The following PPARGC1A variants were observed in gnomAD, a reference collection of about 807,000 sequenced individuals.
The protein encoded by PPARGC1A is peroxisome proliferator-activated receptor gamma coactivator 1-alpha.
Under a neutral mutation model 88.7 loss-of-function variants are expected in PPARGC1A, and 25 were observed. The ratio of observed to expected loss-of-function variants is 0.28; its 90% CI spans 0.21 to 0.39. The LOEUF (loss-of-function observed/expected upper bound fraction) is 0.39. PPARGC1A is among the 10% of genes least tolerant of loss of function. PPARGC1A has a pLI of 1.00. For missense variants in PPARGC1A, 880 were observed against 968.7 expected (o/e 0.91, Z 1.22); for synonymous variants, 363 against 355.6 (o/e 1.02, Z -0.24).
the PPARGC1A span, among the ~76,000 whole-genome samples, chr4:24,150,751 G>A: frequency 1.3e-5 from 2 of 152,106 alleles, no homozygotes; most frequent in African/African-American, 4.8e-5. Context: ...AAGGTGCACT[G>A]ACATACCCAA....
chr4:23,961,360 A>G, the PPARGC1A span, among the ~76,000 whole-genome samples: 1 of 152,170 alleles, frequency 6.6e-6, no homozygotes, highest in Non-Finnish European at 1.5e-5. Context: ...AACAAATGAT[A>G]TGATTTATCC....
At chr4:24,348,075 C>T in the PPARGC1A span, among the ~76,000 whole-genome samples, 19 of 152,214 alleles carry the variant, frequency 1.2e-4, no homozygotes, top group South Asian at 6.2e-4. Context: ...TGCTTAGTTT[C>T]GCTGGATACA....
chr4:24,305,133 G>GTATGTATATATA, the PPARGC1A span, among the ~76,000 whole-genome samples: 1 of 142,896 alleles, frequency 7.0e-6, no homozygotes, highest in Admixed American at 7.0e-5. Flanking sequence ...ATATGTGTAT[G>GTATGTATATATA]TATATATATA....
intron 1 of PPARGC1A, among the ~76,000 whole-genome samples, chr4:23,895,806 C>A (rs1026500578): frequency 6.6e-6 from 1 of 151,826 alleles, no homozygotes; most frequent in African/African-American, 2.4e-5. Context: ...CATCCTAAGG[C>A]AATAATAAGG....
At chr4:24,225,662 A>C in the PPARGC1A span, among the ~76,000 whole-genome samples, 5 of 152,084 alleles carry the variant, frequency 3.3e-5, no homozygotes, top group Admixed American at 2.6e-4. Context: ...TGCTAGAAAG[A>C]GTGGGGTCCA....
intron 7 of PPARGC1A, among the ~76,000 whole-genome samples, chr4:23,824,031 T>G (rs756294258): frequency 6.6e-6 from 1 of 152,112 alleles, no homozygotes; most frequent in Non-Finnish European, 1.5e-5. Flanking sequence ...AGGGCACCAT[T>G]TGCAACCAAC....
chr4:24,125,515 A>G, the PPARGC1A span, among the ~76,000 whole-genome samples: 6,874 of 152,218 alleles, frequency 0.045, 213 homozygotes, highest in East Asian at 0.17. Flanking sequence ...TCTGCAAGTA[A>G]ACCACCAGTC....
rs186470792 is a variant in PPARGC1A at position 23,818,033 on chromosome 4, G to A, written c.878-3428C>T. On this transcript the variant is annotated intron_variant, in intron 7 of 12. Coordinates refer to ENST00000264867, the MANE Select transcript of PPARGC1A (RefSeq NM_013261.5). ...CTTTCCCCCCTGAAGTAAGAGGGAG[G>A]TCAGTGCTCAATCCCTTGATGCCAC... is the stretch of plus-strand genomic sequence containing the variant. Among the ~76,000 whole-genome samples, 679 of 152,258 alleles carry A rather than the reference G, an allele frequency of 4.5e-3. 18 individuals are homozygous for A. The highest frequency in any genetic ancestry group is 0.039 in the Admixed American group (595 of 15,288).
the PPARGC1A span, among the ~76,000 whole-genome samples, chr4:23,976,682 A>G: frequency 6.6e-6 from 1 of 152,190 alleles, no homozygotes; most frequent in Admixed American, 6.5e-5. Context: ...TGAGAAAAAG[A>G]CAGACACCAG....
the PPARGC1A span, among the ~76,000 whole-genome samples, chr4:24,043,291 C>T: frequency 6.6e-6 from 1 of 152,176 alleles, no homozygotes; most frequent in Admixed American, 6.5e-5. Flanking sequence ...TTACTAAAAG[C>T]ACAGTCCTGA....
chr4:23,847,373 C>G (rs1043193836), intron 2 of PPARGC1A, among the ~76,000 whole-genome samples: 1 of 152,094 alleles, frequency 6.6e-6, no homozygotes, highest in African/African-American at 2.4e-5. Flanking sequence ...GTCTTCTTTC[C>G]TGAGTCACAG....
the PPARGC1A span, among the ~76,000 whole-genome samples, chr4:24,368,073 A>T: frequency 6.6e-6 from 1 of 152,228 alleles, no homozygotes; most frequent in Admixed American, 6.5e-5. Flanking sequence ...ATACCTTCCT[A>T]CAACTTGCCA....
chr4:24,086,401 C>A, the PPARGC1A span, among the ~76,000 whole-genome samples: 11 of 152,338 alleles, frequency 7.2e-5, 1 homozygote, highest in South Asian at 2.1e-3. Context: ...CACACTTCAA[C>A]ACTGCTCTCT....
the PPARGC1A span, among the ~76,000 whole-genome samples, chr4:24,174,572 C>T: frequency 1.3e-5 from 2 of 152,190 alleles, no homozygotes; most frequent in Non-Finnish European, 2.9e-5. Context: ...GCATCCATCC[C>T]TCTTAATCCT....
the PPARGC1A span, among the ~76,000 whole-genome samples, chr4:24,101,948 C>T: frequency 3.3e-5 from 5 of 152,194 alleles, no homozygotes; most frequent in Admixed American, 6.5e-5. Context: ...ATGAGAAAAA[C>T]ACATCCACGC....
intron 10 of PPARGC1A, among the ~76,000 whole-genome samples, chr4:23,807,053 G>A (rs1285943263): frequency 2.0e-5 from 3 of 152,056 alleles, no homozygotes; most frequent in African/African-American, 7.2e-5. Context: ...TTTTTTCTAT[G>A]CTAAGGAAAC....
chr4:23,870,571 A>G (rs984588380), intron 2 of PPARGC1A, among the ~76,000 whole-genome samples: 1 of 152,206 alleles, frequency 6.6e-6, no homozygotes, highest in South Asian at 2.1e-4. Flanking sequence ...AGAACATCAC[A>G]TATTGAATAG....
At chr4:23,957,733 G>GA in the PPARGC1A span, among the ~76,000 whole-genome samples, 1 of 151,956 alleles carries the variant, frequency 6.6e-6, no homozygotes, top group Admixed American at 6.6e-5. Context: ...GCCACAGAGG[G>GA]AAAAAAGCCC....
At chr4:23,899,099 G>A (rs1718982329) in intron 1 of PPARGC1A, among the ~76,000 whole-genome samples, 1 of 151,072 alleles carries the variant, frequency 6.6e-6, no homozygotes, top group African/African-American at 2.4e-5. Context: ...CCCCGGCCTT[G>A]GCCTTCCAAA....
Sources: allele counts gnomAD v4.1 joint callset (sites outside exome capture counted in the v4.1 genomes callset), GRCh38; gene constraint gnomAD v4.1.1; transcripts MANE v1.5; gene names NCBI Gene and HGNC (gene_info 2026-07-23, HGNC 2026-07-21).